ZNF274: variants seen among roughly 807,000 people sequenced by gnomAD.
ZNF274 encodes the protein neurotrophin receptor-interacting factor homolog.
Under a neutral mutation model 42.5 loss-of-function variants are expected in ZNF274, and 23 were observed. That is an observed-to-expected ratio of 0.54 (90% confidence interval 0.39 to 0.77). ZNF274 has a LOEUF of 0.77. Among genes scored for constraint, ZNF274 ranks in the 30% least tolerant of loss-of-function variants. The probability of loss-of-function intolerance (pLI) is 0.00; values close to 1 mark genes in which losing one functional copy is unlikely to be tolerated. For synonymous variants in ZNF274, 292 were observed against 305.4 expected, an observed-to-expected ratio of 0.96 and a Z score of 0.46; for missense variants, 679 against 806.5, an observed-to-expected ratio of 0.84 and a Z score of 1.91.
intron 4 of ZNF274, among the ~76,000 whole-genome samples, chr19:58,191,543 A>G (rs948603418): frequency 6.6e-6 from 1 of 152,224 alleles, no homozygotes; most frequent in African/African-American, 2.4e-5. Flanking sequence ...CTGAATGGGC[A>G]AACCTCCAGG....
chr19:58,192,027 TA>T (rs2075783805), intron 4 of ZNF274, among the ~76,000 whole-genome samples: 1 of 152,174 alleles, frequency 6.6e-6, no homozygotes, highest in South Asian at 2.1e-4. Context: ...AGTGGGGAAT[TA>T]CTTCAGAAGA....
chr19:58,187,915 C>T (rs1600132003), intron 4 of ZNF274, among the ~76,000 whole-genome samples: 1 of 151,482 alleles, frequency 6.6e-6, no homozygotes, highest in South Asian at 2.1e-4. Flanking sequence ...TAGTAACGGA[C>T]GGTTTCACCA....
At chr19:58,190,324 C>T (rs1360108852) in intron 4 of ZNF274, among the ~76,000 whole-genome samples, 1 of 152,008 alleles carries the variant, frequency 6.6e-6, no homozygotes, top group Non-Finnish European at 1.5e-5. Flanking sequence ...ATTTTTTAAT[C>T]ATCTGTAACA....
intron 4 of ZNF274, 85 bp downstream of exon 4, chr19:58,187,127 T>G: frequency 8.5e-7 from 1 of 1,183,304 alleles, no homozygotes. Context: ...CAGTAGACAT[T>G]GGGATACCCC....
chr19:58,207,332 A>G lies in ZNF274; in HGVS notation c.739+130A>G, dbSNP rs11672645. 359,007 of 1,387,746 alleles carry G rather than the reference A, an allele frequency of 0.26. 50,916 individuals are homozygous for G. Among genetic ancestry groups the G allele is most frequent in the Middle Eastern group, 0.39 (1,491 of 3,788 alleles). 86.0% of individuals were successfully genotyped at this position (1,387,746 alleles called of 1,614,324 possible). A position where few individuals can be genotyped will look rare whatever the true frequency, so the allele number is the denominator to read the frequency against. On this transcript the variant is annotated intron_variant, in intron 5 of 7. Coordinates refer to ENST00000617501, the MANE Select transcript of ZNF274 (RefSeq NM_133502.3). The surrounding 1 kb of genome is among the most constrained non-coding windows in gnomAD (Gnocchi z 5.6). Reference sequence around the variant, plus strand: ...TGTGTCCGCTCCATACAGACCAAGGACATCCATGTTGCCCACGTGTTCCTG... The same window carrying G: ...TGTGTCCGCTCCATACAGACCAAGGGCATCCATGTTGCCCACGTGTTCCTG...
intron 4 of ZNF274, among the ~76,000 whole-genome samples, chr19:58,188,637 A>ATG (rs2075733329): frequency 7.9e-6 from 1 of 126,076 alleles, no homozygotes; most frequent in East Asian, 2.6e-4. Flanking sequence ...ATATATATAT[A>ATG]TATATATATG....
chr19:58,207,589 G>A lies in ZNF274; in HGVS notation c.739+387G>A, dbSNP rs947663142. On this transcript the variant is annotated intron_variant, in intron 5 of 7. Coordinates refer to ENST00000617501, the MANE Select transcript of ZNF274 (RefSeq NM_133502.3). The surrounding 1 kb of genome is among the most constrained non-coding windows in gnomAD (Gnocchi z 5.6). Reference sequence around the variant, plus strand: ...AAAATGCTGGGACTATGAGGAGCTCGAGGTGATGGTGAGGCTTATGAAGGT... The same window carrying A: ...AAAATGCTGGGACTATGAGGAGCTCAAGGTGATGGTGAGGCTTATGAAGGT... 1.3e-4 allele frequency among the ~76,000 whole-genome samples: 20 copies of A among 152,178 alleles called. No homozygotes were observed. The highest frequency in any genetic ancestry group is 4.6e-4 in the Admixed American group (7 of 15,286).
At chr19:58,188,720 A>ATATATATT (rs1568697913) in intron 4 of ZNF274, among the ~76,000 whole-genome samples, 2 of 123,486 alleles carry the variant, frequency 1.6e-5, no homozygotes, top group African/African-American at 5.8e-5. Flanking sequence ...ATATATATAT[A>ATATATATT]TATAAATCTT....
Position 58,183,948 on chromosome 19 carries a change from A to G in ZNF274, c.-18A>G. 6.3e-7 allele frequency: 1 copy of G among 1,591,424 alleles called. No individual in the cohort carries two copies. Among genetic ancestry groups the G allele is most frequent in the Non-Finnish European group, 8.6e-7 (1 of 1,168,848 alleles). On this transcript the variant is annotated 5_prime_UTR_variant, in exon 2 of 8. Transcript: ENST00000617501. ...CTCTGCCCACTTCCACCAGAGACAC[A>G]TTGAGAAGGAGGAAACTATGGCCTC...
chr19:58,204,733 A>G (rs1041356949), intron 4 of ZNF274, among the ~76,000 whole-genome samples: 1 of 152,124 alleles, frequency 6.6e-6, no homozygotes, highest in Non-Finnish European at 1.5e-5. Flanking sequence ...CTGTGTTACA[A>G]CACTACCCGT....
rs1161535866 is a variant in ZNF274 at position 58,207,284 on chromosome 19, C to T, written c.739+82C>T. 1 of 1,486,106 alleles carries T rather than the reference C, an allele frequency of 6.7e-7. No individual in the cohort carries two copies. Among genetic ancestry groups the T allele is most frequent in the Non-Finnish European group, 9.0e-7 (1 of 1,117,248 alleles). The allele number at this position is 1,486,106 out of a possible 1,614,324, so 92.1% of individuals were successfully genotyped here. ...TGGGGGAGATAAGAACTCCAGGCTT[C>T]CTAGGAAGGTCATGGGAAGGATTGT... On this transcript the variant is annotated intron_variant, in intron 5 of 7. Coordinates refer to ENST00000617501, the MANE Select transcript of ZNF274 (RefSeq NM_133502.3). This position sits in a 1 kb window ranked among gnomAD's most constrained non-coding sequence, Gnocchi z 5.6.
Position 58,207,041 on chromosome 19 carries a change from A to G in ZNF274, c.578A>G (p.Lys193Arg). The G allele has an allele frequency of 6.2e-7, 1 of 1,612,940 alleles. No individual in the cohort carries two copies. ...RELCHQWLQP[K>R]ARSKEQILEL... ...CTGTGTCACCAGTGGCTACAGCCTA[A>G]GGCACGCTCCAAGGAGCAGATCCTG... The change falls in exon 5 of 8, where the codon AAG becomes AGG. Residue 193 changes from lysine to arginine, a missense_variant. By Grantham distance (26) the Lys-to-Arg change is conservative. Coordinates refer to ENST00000617501, the MANE Select transcript of ZNF274 (RefSeq NM_133502.3). The surrounding 1 kb of genome is among the most constrained non-coding windows in gnomAD (Gnocchi z 5.6).
rs755909865 is a variant in ZNF274, at chr19:58,187,027, C to G, written c.241C>G (p.Gln81Glu). ...DFWPVERGIP[Q>E]DTIPEYPELQ... ...CTGGCCAGTGGAGAGAGGAATTCCT[C>G]AAGACACCATTCCAGGTGAGAACCA... Residue 81 changes from glutamine (Q) to glutamate (E), a missense_variant, in exon 4 of 8, where the codon CAA becomes GAA. Coordinates refer to ENST00000617501, the MANE Select transcript of ZNF274 (RefSeq NM_133502.3). The G allele has an allele frequency of 1.2e-6, 2 of 1,612,344 alleles. No homozygotes were observed. Among genetic ancestry groups the G allele is most frequent in the Non-Finnish European group, 1.7e-6 (2 of 1,179,218 alleles).
intron 2 of ZNF274, chr19:58,184,240 C>T (rs990641465): frequency 1.3e-5 from 7 of 530,614 alleles, no homozygotes; most frequent in Middle Eastern, 5.1e-4. Context: ...GGTTAAGGCT[C>T]TTGCTTGTAT....
At chr19:58,201,767 G>A (rs1292173025) in intron 4 of ZNF274, among the ~76,000 whole-genome samples, 2 of 151,582 alleles carry the variant, frequency 1.3e-5, no homozygotes, top group Non-Finnish European at 2.9e-5. Context: ...TGCCCACCTC[G>A]GCCTCCCAAA....
intron 1 of ZNF274, 68 bp from the exon 2 acceptor site, chr19:58,183,853 G>T: frequency 9.0e-7 from 1 of 1,110,974 alleles, no homozygotes; most frequent in Non-Finnish European, 1.3e-6. Flanking sequence ...TTCCTGGGCG[G>T]AGGCTGCGGT....
intron 4 of ZNF274, among the ~76,000 whole-genome samples, chr19:58,204,095 G>C (rs1377739130): frequency 6.6e-6 from 1 of 152,216 alleles, no homozygotes; most frequent in Non-Finnish European, 1.5e-5. Flanking sequence ...GAACGGGAGA[G>C]GGGAGGGGTT....
intron 3 of ZNF274, 97 bp from the exon 4 acceptor site, chr19:58,186,850 A>G (rs1177151739): frequency 9.9e-7 from 1 of 1,006,540 alleles, no homozygotes; most frequent in African/African-American, 1.6e-5. Context: ...CATGTGCCTT[A>G]GCAGGGGAGA....
chr19:58,209,842 C>T, intron 5 of ZNF274, 119 bp from the exon 6 acceptor site: 1 of 628,498 alleles, frequency 1.6e-6, no homozygotes, highest in Non-Finnish European at 2.8e-6. Context: ...CAGAGGCTGT[C>T]ATGGAGCCAC....
Sources: allele counts gnomAD v4.1 joint callset (sites outside exome capture counted in the v4.1 genomes callset), GRCh38; gene constraint gnomAD v4.1.1; non-coding constraint Gnocchi (gnomAD v3.1); transcripts MANE v1.5; gene names NCBI Gene and HGNC (gene_info 2026-07-23, HGNC 2026-07-21).